TUBB8: variants seen among roughly 807,000 people sequenced by gnomAD.
TUBB8 encodes the protein tubulin beta 8 class VIII, also known as tubulin beta-8 chain.
TUBB8 carries 25 observed loss-of-function variants against 33.7 expected under a neutral mutation model. The observed-to-expected ratio is 0.74, with a 90% CI of 0.54 to 1.04. The LOEUF (loss-of-function observed/expected upper bound fraction) is 1.04. TUBB8 is among the 50% of genes least tolerant of loss of function. The pLI is 0.00. For synonymous variants in TUBB8, 245 were observed against 240.1 expected (o/e 1.02, Z -0.19); for missense variants, 279 against 608.0 (o/e 0.46, Z 5.69).
upstream of TUBB8, among the ~76,000 whole-genome samples, chr10:75,981 T>C (rs1340818213): frequency 7.3e-5 from 11 of 151,066 alleles, no homozygotes; most frequent in Admixed American, 7.2e-4. Flanking sequence ...CAACTAAAAA[T>C]AGAAAAAATT....
intron 1 of TUBB8, among the ~76,000 whole-genome samples, chr10:72,947 C>A (rs1342460541): frequency 6.6e-6 from 1 of 150,660 alleles, no homozygotes; most frequent in Non-Finnish European, 1.5e-5. Flanking sequence ...TTAACGAAAT[C>A]TGATTTTATT....
upstream of TUBB8, among the ~76,000 whole-genome samples, chr10:75,843 A>G (rs558954821): frequency 3.4e-4 from 52 of 152,042 alleles, no homozygotes; most frequent in South Asian, 0.01. Context: ...ATAAGCCTTA[A>G]AACACCAAGC....
chr10:73,952 G>GT (rs1554742726), intron 1 of TUBB8: 2 of 155,876 alleles, frequency 1.3e-5, no homozygotes, highest in Non-Finnish European at 2.9e-5. Flanking sequence ...AGCGCGGGCA[G>GT]GAAGCCTTTT....
chr10:70,848 A>T (rs548920834), intron 1 of TUBB8, among the ~76,000 whole-genome samples: 1 of 152,212 alleles, frequency 6.6e-6, no homozygotes, highest in Non-Finnish European at 1.5e-5. Context: ...GTCTCAAAAA[A>T]TAAAAAATAA....
intron 1 of TUBB8, among the ~76,000 whole-genome samples, chr10:63,960 A>C: frequency 6.6e-6 from 1 of 152,114 alleles, no homozygotes; most frequent in Non-Finnish European, 1.5e-5. Flanking sequence ...GTTCAAAGAG[A>C]CTTAGGTCCC....
chr10:75,008 G>A (rs1834792311), upstream of TUBB8, among the ~76,000 whole-genome samples: 2 of 151,438 alleles, frequency 1.3e-5, no homozygotes, highest in African/African-American at 4.8e-5. Flanking sequence ...CCGAGTAGCT[G>A]GGATTACAGG....
chr10:60,927 G>T (rs1353427441), intron 1 of TUBB8, among the ~76,000 whole-genome samples: 1 of 151,936 alleles, frequency 6.6e-6, no homozygotes. Context: ...TACTTTATAG[G>T]GACATGGATG....
In TUBB8 at chr10:48,838, C is replaced by T. The variant is rs782044041; in HGVS notation, c.132G>A (p.Leu44=). 2.4e-5 allele frequency: 38 copies of T among 1,603,862 alleles called. No homozygotes were observed. The South Asian group carries it at 3.8e-4, about 16-fold the overall frequency. The change falls in exon 2 of 4, where the codon CTG becomes CTA. Residue 44 remains leucine (L), a synonymous_variant. Transcript: ENST00000568584. ...CGTTGTAGTACACGTTGATGCGCTC[C>T]AGCTGCAGGTGGCTGTCCCCGTGGT... ...GTYHGDSHLQ[L]ERINVYYNEA...
chr10:48,986 C>T (rs550661825), intron 1 of TUBB8, 74 bp from the exon 2 acceptor site: 4 of 1,266,238 alleles, frequency 3.2e-6, no homozygotes, highest in South Asian at 1.3e-5. Flanking sequence ...CCCACCCCCA[C>T]CCTCATCCGC....
At chr10:51,883 CAG>C (rs1554739614), upstream of TUBB8, among the ~76,000 whole-genome samples, 2 of 152,144 alleles carry the variant, frequency 1.3e-5, no homozygotes, top group African/African-American at 4.8e-5. Flanking sequence ...GGCTAAAAGT[CAG>C]AGGATCGCTA....
intron 1 of TUBB8, among the ~76,000 whole-genome samples, chr10:62,719 C>A (rs1834618934): frequency 6.6e-6 from 1 of 152,186 alleles, no homozygotes; most frequent in Non-Finnish European, 1.5e-5. Context: ...GGAAAAAGTT[C>A]TCATTTCTCT....
chr10:49,040 C>A, intron 1 of TUBB8, 128 bp from the exon 2 acceptor site: 2 of 1,273,168 alleles, frequency 1.6e-6, no homozygotes, highest in Non-Finnish European at 2.2e-6. Flanking sequence ...CCACCCCGGC[C>A]GCCTCGCCAG....
chr10:48,683 G>A lies in TUBB8; in HGVS notation c.209C>T (p.Pro70Leu), dbSNP rs782247878. 14 of 1,612,160 alleles carry A rather than the reference G, an allele frequency of 8.7e-6. No homozygotes were observed. The highest frequency in any genetic ancestry group is 1.7e-5 in the Admixed American group (1 of 60,024). Residue 70 changes from proline (P) to leucine (L), a missense_variant, in exon 3 of 4, where the codon CCG becomes CTG. By Grantham distance (98) the Pro-to-Leu change is moderately conservative. This residue lies in a region of TUBB8 where 96 missense variants were observed against 233.7 expected (regional missense o/e 0.41). Coordinates refer to ENST00000568584, the MANE Select transcript of TUBB8 (RefSeq NM_177987.3). ...CGAGCGCACAGAGTCCATGGTGCCCGGCTCCAGATCCACGAGCACAGCGCG... is the reference window on the plus strand; with the variant it reads ...CGAGCGCACAGAGTCCATGGTGCCCAGCTCCAGATCCACGAGCACAGCGCG... ...VPRAVLVDLE[P>L]GTMDSVRSGP...
intron 1 of TUBB8, among the ~76,000 whole-genome samples, chr10:67,334 T>C (rs1554741734): frequency 6.6e-6 from 1 of 152,226 alleles, no homozygotes; most frequent in Non-Finnish European, 1.5e-5. Context: ...TTCCAGTTCG[T>C]GAATATGAGG....
chr10:56,726 C>G (rs1284199472), intron 1 of TUBB8, among the ~76,000 whole-genome samples: 2 of 152,184 alleles, frequency 1.3e-5, no homozygotes, highest in African/African-American at 4.8e-5. Flanking sequence ...CCACTTCCAA[C>G]ATTGAGGATT....
At chr10:76,006 G>A (rs1411037272), upstream of TUBB8, among the ~76,000 whole-genome samples, 4 of 151,898 alleles carry the variant, frequency 2.6e-5, no homozygotes, top group African/African-American at 7.3e-5. Flanking sequence ...GGGCGTGATG[G>A]CGGGTCCCTG....
chr10:51,183 G>A (rs534433153), upstream of TUBB8, among the ~76,000 whole-genome samples: 12 of 152,232 alleles, frequency 7.9e-5, no homozygotes, highest in African/African-American at 2.9e-4. Context: ...TGCTCAGGCT[G>A]GAGTGCAACC....
upstream of TUBB8, among the ~76,000 whole-genome samples, chr10:54,201 C>T (rs1373794912): frequency 6.6e-6 from 1 of 152,134 alleles, no homozygotes; most frequent in African/African-American, 2.4e-5. Flanking sequence ...CTGCCCTTCC[C>T]AGCCTCTGGT....
At chr10:74,680 AAAG>A (rs1490273764), upstream of TUBB8, among the ~76,000 whole-genome samples, 2 of 150,180 alleles carry the variant, frequency 1.3e-5, no homozygotes, top group East Asian at 4.0e-4. Flanking sequence ...AAGAAGGAAA[AAAG>A]AAGGAAGAAA....
Sources: gnomAD v4.1 joint callset for allele counts (sites outside exome capture counted in the v4.1 genomes callset) on GRCh38, gnomAD v4.1.1 for gene constraint, gnomAD v4.1.1 regional missense constraint, MANE v1.5 for transcripts, NCBI Gene and HGNC (gene_info 2026-07-23, HGNC 2026-07-21) for gene names.